Variants in GPHN observed in about 807,000 individuals in gnomAD.
GPHN encodes the protein gephyrin.
In GPHN, 17 loss-of-function variants were observed where a neutral mutation model predicts 95.5. The ratio of observed to expected loss-of-function variants is 0.18; its 90% CI spans 0.12 to 0.27. The LOEUF (loss-of-function observed/expected upper bound fraction) is 0.27. Among genes scored for constraint, GPHN ranks in the 10% least tolerant of loss-of-function variants. GPHN has a pLI of 1.00. For missense variants in GPHN, 660 were observed against 978.1 expected (o/e 0.67, Z 4.34); for synonymous variants, 320 against 322.5 (o/e 0.99, Z 0.08).
the GPHN span, among the ~76,000 whole-genome samples, chr14:67,414,812 C>T: frequency 5.6e-4 from 85 of 152,258 alleles, no homozygotes; most frequent in Non-Finnish European, 9.1e-4. Context: ...ACCGGAATCA[C>T]AGAATCAGAA....
At chr14:66,611,259 T>C (rs1013165514) in intron 1 of GPHN, among the ~76,000 whole-genome samples, 3 of 152,162 alleles carry the variant, frequency 2.0e-5, no homozygotes, top group Non-Finnish European at 4.4e-5. Context: ...ATGACTTCTG[T>C]TCACTAAGGT....
chr14:67,477,553 T>C, the GPHN span, among the ~76,000 whole-genome samples: 134 of 152,306 alleles, frequency 8.8e-4, 1 homozygote, highest in African/African-American at 3.0e-3. Flanking sequence ...CTCTTTCCTG[T>C]GTGCTACACC....
At chr14:67,612,132 T>C in the GPHN span, among the ~76,000 whole-genome samples, 1 of 152,102 alleles carries the variant, frequency 6.6e-6, no homozygotes, top group Non-Finnish European at 1.5e-5. Flanking sequence ...TAAATACAGG[T>C]GAAGCTTCAC....
chr14:67,621,532 T>G, the GPHN span, among the ~76,000 whole-genome samples: 1 of 151,970 alleles, frequency 6.6e-6, no homozygotes, highest in South Asian at 2.1e-4. Context: ...ATTGGCTCAT[T>G]GCAACCTCCA....
At chr14:67,005,858 A>G (rs1355919161) in intron 9 of GPHN, among the ~76,000 whole-genome samples, 2 of 151,856 alleles carry the variant, frequency 1.3e-5, no homozygotes, top group East Asian at 3.9e-4. Flanking sequence ...TTACAATAAA[A>G]CAGTTGGATG....
chr14:67,077,345 A>G (rs2076533354), intron 11 of GPHN, among the ~76,000 whole-genome samples: 1 of 152,130 alleles, frequency 6.6e-6, no homozygotes, highest in South Asian at 2.1e-4. Context: ...AGCACATGTA[A>G]GGTTAGGCAA....
chr14:67,252,811 C>T, the GPHN span, among the ~76,000 whole-genome samples: 1 of 152,254 alleles, frequency 6.6e-6, no homozygotes, highest in African/African-American at 2.4e-5. Context: ...TTGCTGTGAG[C>T]TAAATATTAG....
chr14:66,910,917 A>T (rs1185152758), intron 5 of GPHN, among the ~76,000 whole-genome samples: 3 of 152,032 alleles, frequency 2.0e-5, no homozygotes, highest in Non-Finnish European at 4.4e-5. Flanking sequence ...ATTGTGCAGC[A>T]TTGAAAATGA....
the GPHN span, among the ~76,000 whole-genome samples, chr14:67,511,786 T>C: frequency 6.6e-6 from 1 of 152,278 alleles, no homozygotes; most frequent in East Asian, 1.9e-4. Context: ...GCATGAAGTA[T>C]AGCCTCACAG....
At chr14:67,249,223 A>G in the GPHN span, among the ~76,000 whole-genome samples, 1 of 152,156 alleles carries the variant, frequency 6.6e-6, no homozygotes, top group Non-Finnish European at 1.5e-5. Context: ...CGGCCTCCCA[A>G]AGTGCTGGGA....
intron 4 of GPHN, among the ~76,000 whole-genome samples, chr14:66,862,953 G>A (rs904980028): frequency 5.9e-5 from 9 of 152,076 alleles, no homozygotes; most frequent in East Asian, 3.9e-4. Flanking sequence ...ATTATTCAGC[G>A]TACTACTGGA....
the GPHN span, chr14:67,729,483 C>A: frequency 2.5e-6 from 3 of 1,191,526 alleles, no homozygotes; most frequent in Non-Finnish European, 2.4e-6. Context: ...CCTGATGATG[C>A]AATCCAGGTT....
intron 9 of GPHN, among the ~76,000 whole-genome samples, chr14:66,995,694 A>G (rs897182046): frequency 4.6e-5 from 7 of 152,216 alleles, no homozygotes; most frequent in African/African-American, 7.2e-5. Context: ...CAGTGGAGAA[A>G]GAGAGGTTCA....
Position 67,180,885 on chromosome 14 carries a change from T to C in GPHN, c.2258T>C (p.Val753Ala), listed in dbSNP as rs1415740195. 6.2e-7 allele frequency: 1 copy of C among 1,613,978 alleles called. No individual in the cohort carries two copies. Among genetic ancestry groups the C allele is most frequent in the African/African-American group, 1.3e-5 (1 of 75,030 alleles). ...CTACCTCCAAAGACAGAACAGTACG[T>C]GGAGCTCCACAAAGGCGAGGTGGTG... ...LMLPPKTEQY[V>A]ELHKGEVVDV... The change falls in exon 23 of 23, where the codon GTG (valine) becomes GCG (alanine). Residue 753 changes from valine (V) to alanine (A), a missense_variant. Transcript: ENST00000478722.
chr14:66,613,808 C>T lies in GPHN; in HGVS notation c.65-67299C>T, dbSNP rs542731532. Among the ~76,000 whole-genome samples the T allele has an allele frequency of 4.6e-5, 7 of 152,216 alleles. No homozygotes were observed. In the South Asian group the frequency reaches 1.2e-3, roughly 27 times the overall value. On this transcript the variant is annotated intron_variant, in intron 1 of 22. Transcript: ENST00000478722. ...ATTGATGGGTTAAATAGCATCCATA[C>T]TTTATAAGATACTGCCAAGCCTTTT... is the stretch of plus-strand genomic sequence containing the variant.
the GPHN span, chr14:67,390,726 C>G: frequency 6.2e-7 from 1 of 1,613,362 alleles, no homozygotes; most frequent in South Asian, 1.1e-5. Context: ...GACGCACCTT[C>G]CAGTTTTTCC....
chr14:67,087,586 G>A (rs2076958912), intron 11 of GPHN, among the ~76,000 whole-genome samples: 1 of 152,022 alleles, frequency 6.6e-6, no homozygotes, highest in African/African-American at 2.4e-5. Context: ...TCCAATTCAG[G>A]TGCCAAAAGG....
intron 10 of GPHN, among the ~76,000 whole-genome samples, chr14:67,030,271 A>G (rs2074132958): frequency 6.6e-6 from 1 of 152,158 alleles, no homozygotes; most frequent in Admixed American, 6.5e-5. Context: ...TCCATATTTC[A>G]AGGAGTAACA....
At chr14:66,933,572 A>G (rs2066939877) in intron 8 of GPHN, among the ~76,000 whole-genome samples, 1 of 152,218 alleles carries the variant, frequency 6.6e-6, no homozygotes, top group Non-Finnish European at 1.5e-5. Flanking sequence ...GAGACGGAAA[A>G]CCTGGATATA....
Sources: gnomAD v4.1 joint callset for allele counts (sites outside exome capture counted in the v4.1 genomes callset) on GRCh38, gnomAD v4.1.1 for gene constraint, MANE v1.5 for transcripts, NCBI Gene and HGNC (gene_info 2026-07-23, HGNC 2026-07-21) for gene names.